Variants in HTR1F observed in about 807,000 individuals in gnomAD.
The protein encoded by HTR1F is 5-hydroxytryptamine receptor 1F, also known as 5-hydroxytryptamine (serotonin) receptor 1F, G protein-coupled.
Under a neutral mutation model 24.0 loss-of-function variants are expected in HTR1F, and 17 were observed. The ratio of observed to expected loss-of-function variants is 0.71; its 90% CI spans 0.48 to 1.06. The LOEUF is 1.06. HTR1F is among the 50% of genes least tolerant of loss of function. The pLI is 0.00. For missense variants in HTR1F, 391 were observed against 427.8 expected, an observed-to-expected ratio of 0.91 and a Z score of 0.76; for synonymous variants, 186 against 156.8, an observed-to-expected ratio of 1.19 and a Z score of -1.39.
Position 87,873,133 on chromosome 3 carries a change from C to CACACAGAG in HTR1F, c.-43+51010_-43+51011insCACAGAGA, listed in dbSNP as rs370152361. 1.4e-3 allele frequency among the ~76,000 whole-genome samples: 178 copies of CACACAGAG among 130,306 alleles called. 1 individual carries two copies. The highest frequency in any genetic ancestry group is 3.6e-3 in the African/African-American group (139 of 38,152). 85.5% of individuals were successfully genotyped at this position (130,306 alleles called of 152,430 possible). On this transcript the variant is annotated intron_variant, in intron 2 of 2. Transcript: ENST00000319595. ...ACACACACACACACACACACACACA[C>CACACAGAG]AGAGAGATTTATGAGATTTATTATA...
intron 2 of HTR1F, among the ~76,000 whole-genome samples, chr3:87,986,779 C>A (rs931888836): frequency 2.0e-5 from 3 of 152,090 alleles, no homozygotes; most frequent in African/African-American, 7.2e-5. Flanking sequence ...AAACTGTCAG[C>A]ACTTTTAAAT....
intron 2 of HTR1F, among the ~76,000 whole-genome samples, chr3:87,924,885 C>G (rs1157137724): frequency 1.3e-5 from 2 of 152,080 alleles, no homozygotes; most frequent in African/African-American, 2.4e-5. Flanking sequence ...AATTTATTAG[C>G]TTCTTGGATC....
At position 87,954,699 on chromosome 3, in the gene HTR1F, A is replaced by C. The variant is rs553469039; in HGVS notation, c.-42-36009A>C. 4.4e-4 allele frequency among the ~76,000 whole-genome samples: 67 copies of C among 151,816 alleles called. 1 individual carries two copies. In the South Asian group the frequency reaches 0.013, roughly 31 times the overall value. On this transcript the variant is annotated intron_variant, in intron 2 of 2. Transcript: ENST00000319595. Reference sequence around the variant, plus strand: ...TTACTGAAAGCCACGAAGATAACCAATTAAAACATTTTAAATACTGATATA... The same window carrying C: ...TTACTGAAAGCCACGAAGATAACCACTTAAAACATTTTAAATACTGATATA...
intron 2 of HTR1F, among the ~76,000 whole-genome samples, chr3:87,870,025 A>T (rs1405026717): frequency 2.0e-5 from 3 of 152,086 alleles, no homozygotes; most frequent in Non-Finnish European, 4.4e-5. Context: ...TGTATTTTCA[A>T]TGATTGCTAC....
intron 2 of HTR1F, among the ~76,000 whole-genome samples, chr3:87,941,385 G>A (rs1354649394): frequency 1.3e-5 from 2 of 152,150 alleles, no homozygotes; most frequent in East Asian, 1.9e-4. Context: ...GGTGCCTTTG[G>A]GTAATTTTGG....
chr3:87,985,509 GTTATC>G (rs1705644071), intron 2 of HTR1F, among the ~76,000 whole-genome samples: 1 of 152,162 alleles, frequency 6.6e-6, no homozygotes, highest in African/African-American at 2.4e-5. Flanking sequence ...CTGTGCTTCA[GTTATC>G]TTATCTATGA....
intron 2 of HTR1F, among the ~76,000 whole-genome samples, chr3:87,958,232 T>G (rs1444463242): frequency 6.6e-6 from 1 of 151,666 alleles, no homozygotes; most frequent in Non-Finnish European, 1.5e-5. Context: ...TAAATATAAA[T>G]TAGACCAAGG....
At chr3:87,895,245 G>A (rs1223442817) in intron 2 of HTR1F, among the ~76,000 whole-genome samples, 1 of 152,006 alleles carries the variant, frequency 6.6e-6, no homozygotes, top group East Asian at 1.9e-4. Flanking sequence ...GAAATAATAT[G>A]TGTGTAAATA....
In HTR1F at chr3:87,886,996, G is replaced by A. The variant is rs11128009; in HGVS notation, c.-43+64872G>A. Among the ~76,000 whole-genome samples, 68 of 151,366 alleles carry A rather than the reference G, an allele frequency of 4.5e-4. No homozygotes were observed. The East Asian group carries it at 0.011, about 24-fold the overall frequency. On this transcript the variant is annotated intron_variant, in intron 2 of 2. Transcript: ENST00000319595. ...ACTACTTTAAAGTTCACATGGAACC[G>A]TAAAAGAGCCCACATTGCCAAGACA...
intron 2 of HTR1F, among the ~76,000 whole-genome samples, chr3:87,888,079 T>C (rs1019347723): frequency 3.3e-5 from 5 of 152,138 alleles, no homozygotes; most frequent in Non-Finnish European, 5.9e-5. Flanking sequence ...CAGATGTCCA[T>C]CAATGATAGA....
chr3:87,987,223 C>T (rs1428631849), intron 2 of HTR1F, among the ~76,000 whole-genome samples: 1 of 151,966 alleles, frequency 6.6e-6, no homozygotes, highest in Admixed American at 6.6e-5. Flanking sequence ...ATATTTAGTG[C>T]AAATTTTATG....
intron 2 of HTR1F, among the ~76,000 whole-genome samples, chr3:87,973,836 G>A (rs572090753): frequency 1.3e-5 from 2 of 152,234 alleles, no homozygotes; most frequent in African/African-American, 2.4e-5. Context: ...GGGAAATACC[G>A]ACGGCACGCT....
At chr3:87,986,643 TG>T (rs977755891) in intron 2 of HTR1F, among the ~76,000 whole-genome samples, 15 of 152,324 alleles carry the variant, frequency 9.8e-5, no homozygotes, top group Admixed American at 6.5e-4. Flanking sequence ...TAACTCTTTC[TG>T]ACACTTTCTC....
At chr3:87,823,601 A>G (rs1704403710) in intron 2 of HTR1F, among the ~76,000 whole-genome samples, 1 of 144,684 alleles carries the variant, frequency 6.9e-6, no homozygotes, top group African/African-American at 2.6e-5. Flanking sequence ...TGCAGCTTCC[A>G]CCTCCCAGGA....
intron 2 of HTR1F, among the ~76,000 whole-genome samples, chr3:87,877,255 A>T (rs1231033926): frequency 2.6e-5 from 4 of 152,134 alleles, no homozygotes; most frequent in Non-Finnish European, 4.4e-5. Flanking sequence ...AGAAAATAGG[A>T]TAATGTTATT....
intron 2 of HTR1F, among the ~76,000 whole-genome samples, chr3:87,953,330 T>C (rs1704874669): frequency 6.9e-6 from 1 of 144,864 alleles, no homozygotes; most frequent in Non-Finnish European, 1.5e-5. Context: ...TACCAGAAAA[T>C]ATAAAGAACT....
At chr3:87,822,455 A>T in intron 2 of HTR1F, among the ~76,000 whole-genome samples, 1 of 152,204 alleles carries the variant, frequency 6.6e-6, no homozygotes, top group East Asian at 1.9e-4. Context: ...TGAAAGGTAG[A>T]CATTAAATAC....
At chr3:87,865,632 ATTGT>A (rs1233994461) in intron 2 of HTR1F, among the ~76,000 whole-genome samples, 1 of 152,162 alleles carries the variant, frequency 6.6e-6, no homozygotes, top group Admixed American at 6.6e-5. Context: ...AATCATAAAA[ATTGT>A]TTGTATGTAG....
intron 2 of HTR1F, among the ~76,000 whole-genome samples, chr3:87,838,391 C>T (rs1704726796): frequency 6.6e-6 from 1 of 152,090 alleles, no homozygotes; most frequent in African/African-American, 2.4e-5. Context: ...CTATCTTCAA[C>T]CTCTCTCCAT....
Sources: allele counts gnomAD v4.1 joint callset (sites outside exome capture counted in the v4.1 genomes callset), GRCh38; gene constraint gnomAD v4.1.1; transcripts MANE v1.5; gene names NCBI Gene and HGNC (gene_info 2026-07-23, HGNC 2026-07-21).